NSL1: variants seen among roughly 807,000 people sequenced by gnomAD.
NSL1 encodes kinetochore-associated protein NSL1 homolog.
NSL1 carries 11 observed loss-of-function variants against 25.4 expected under a neutral mutation model. That is an observed-to-expected ratio of 0.43 (90% CI 0.27 to 0.72). The LOEUF (loss-of-function observed/expected upper bound fraction) is 0.72. Ranked by LOEUF, NSL1 falls within the 30% of genes least tolerant of loss-of-function variation. NSL1 has a pLI of 0.19. For missense variants in NSL1, 330 were observed against 342.7 expected, an observed-to-expected ratio of 0.96 and a Z score of 0.29; for synonymous variants, 118 against 120.6, an observed-to-expected ratio of 0.98 and a Z score of 0.14.
chr1:212,757,512 C>T (rs1659371814), intron 4 of NSL1, among the ~76,000 whole-genome samples: 1 of 152,166 alleles, frequency 6.6e-6, no homozygotes, highest in African/African-American at 2.4e-5. Context: ...ACAAGCATAG[C>T]ACCAACATTT....
At chr1:212,780,374 C>T (rs1465451938) in intron 4 of NSL1, among the ~76,000 whole-genome samples, 1 of 150,162 alleles carries the variant, frequency 6.7e-6, no homozygotes, top group African/African-American at 2.5e-5. Flanking sequence ...TGCGGAAGGC[C>T]GCAGGGTCCT....
In NSL1 at chr1:212,782,418, G is replaced by A. The variant is rs1352324803; in HGVS notation, c.453C>T (p.Tyr151=). 1.2e-6 allele frequency: 2 copies of A among 1,606,970 alleles called. No individual in the cohort carries two copies. The highest frequency in any genetic ancestry group is 1.7e-5 in the Admixed American group (1 of 60,008). ...IKAKQEILKQ[Y]HPVVHPLDLK... ...GGTCCAGTGGATGTACAACAGGGTG[G>A]TACTGCTTCTAAACATAACATAAAT... Residue 151 remains tyrosine (Y), a synonymous_variant, in exon 4 of 6, where the codon TAC becomes TAT. Coordinates refer to ENST00000366977, the MANE Select transcript of NSL1 (RefSeq NM_015471.4).
chr1:212,763,185 C>G (rs1023436063), intron 4 of NSL1, among the ~76,000 whole-genome samples: 2 of 152,180 alleles, frequency 1.3e-5, no homozygotes, highest in Non-Finnish European at 2.9e-5. Flanking sequence ...CCACTACTCT[C>G]CACTCCCTTT....
Position 212,736,556 on chromosome 1 carries a change from T to TA in NSL1, c.*1851dup, listed in dbSNP as rs1658238978. 1.0e-6 allele frequency: 1 copy of TA among 984,680 alleles called. No homozygotes were observed. Among genetic ancestry groups the TA allele is most frequent in the South Asian group, 4.7e-5 (1 of 21,274 alleles). The allele number at this position is 984,680 out of a possible 1,614,324, so 61.0% of individuals were successfully genotyped here. ...TTACTGCTATTGGTCATGCTTTTCT[T>TA]AGTTAATAATGCTAATACGTACTGT... On this transcript the variant is annotated 3_prime_UTR_variant, in exon 6 of 6. Transcript: ENST00000366977.
chr1:212,736,310 C>G lies in NSL1; in HGVS notation c.*2098G>C. On this transcript the variant is annotated 3_prime_UTR_variant, in exon 6 of 6. Transcript: ENST00000366977. Reference sequence around the variant, plus strand: ...AAGTGCTGGGATTACAGGCATGAGCCCACCGCGCCTGGCTATTTCTTTTCT... The same window carrying G: ...AAGTGCTGGGATTACAGGCATGAGCGCACCGCGCCTGGCTATTTCTTTTCT... 5.1e-6 allele frequency: 5 copies of G among 981,344 alleles called. No homozygotes were observed. Among genetic ancestry groups the G allele is most frequent in the Non-Finnish European group, 6.1e-6 (5 of 826,248 alleles). 60.8% of individuals were successfully genotyped at this position (981,344 alleles called of 1,614,324 possible).
chr1:212,738,721 T>C (rs975015881), intron 5 of NSL1, 35 bp from the exon 6 acceptor site: 9 of 1,549,534 alleles, frequency 5.8e-6, no homozygotes, highest in Non-Finnish European at 7.9e-6. Context: ...TCAACATTAA[T>C]CTCAGGTTGA....
intron 5 of NSL1, 135 bp from the exon 6 acceptor site, chr1:212,738,821 G>A: frequency 4.4e-6 from 3 of 682,306 alleles, no homozygotes; most frequent in Non-Finnish European, 7.2e-6. Flanking sequence ...GGAGGGCAGT[G>A]GTGTGATCTC....
intron 4 of NSL1, among the ~76,000 whole-genome samples, chr1:212,762,329 AAAG>A (rs1659615850): frequency 1.3e-5 from 2 of 151,482 alleles, no homozygotes; most frequent in South Asian, 4.2e-4. Flanking sequence ...AAAAAAAAGA[AAAG>A]AAGTTTACGA....
At chr1:212,766,720 T>A (rs149344428) in intron 4 of NSL1, among the ~76,000 whole-genome samples, 24 of 151,666 alleles carry the variant, frequency 1.6e-4, no homozygotes, top group African/African-American at 5.1e-4. Flanking sequence ...TAAATAAATT[T>A]GGTAAAGTAT....
chr1:212,739,275 G>A (rs535633041), intron 5 of NSL1, among the ~76,000 whole-genome samples: 4 of 152,154 alleles, frequency 2.6e-5, no homozygotes, highest in South Asian at 2.1e-4. Context: ...AAAACTGTTC[G>A]GTGAACTGCT....
In NSL1 at chr1:212,736,639, G is replaced by A. The variant is rs1202868805; in HGVS notation, c.*1769C>T. 2.0e-6 allele frequency: 2 copies of A among 985,064 alleles called. No individual in the cohort carries two copies. The highest frequency in any genetic ancestry group is 1.7e-5 in the African/African-American group (1 of 57,204). 61.0% of individuals were successfully genotyped at this position (985,064 alleles called of 1,614,324 possible). On this transcript the variant is annotated 3_prime_UTR_variant, in exon 6 of 6. Coordinates refer to ENST00000366977, the MANE Select transcript of NSL1 (RefSeq NM_015471.4). ...CTATAACTATGGAGTAAAACTTTGGGCTCTCAAGAGGATTTCAAATCTCAG... is the reference window on the plus strand; with the variant it reads ...CTATAACTATGGAGTAAAACTTTGGACTCTCAAGAGGATTTCAAATCTCAG...
Position 212,736,572 on chromosome 1 carries a change from T to C in NSL1, c.*1836A>G. ...TGCTTTTCTTAGTTAATAATGCTAATACGTACTGTCTTTCCCAGTGGTATT... is the reference window on the plus strand; with the variant it reads ...TGCTTTTCTTAGTTAATAATGCTAACACGTACTGTCTTTCCCAGTGGTATT... On this transcript the variant is annotated 3_prime_UTR_variant, in exon 6 of 6. Coordinates refer to ENST00000366977, the MANE Select transcript of NSL1 (RefSeq NM_015471.4). 1.0e-6 allele frequency: 1 copy of C among 985,208 alleles called. No homozygotes were observed. The highest frequency in any genetic ancestry group is 1.2e-6 in the Non-Finnish European group (1 of 829,692). The allele number at this position is 985,208 out of a possible 1,614,324, so 61.0% of individuals were successfully genotyped here. A position where few individuals can be genotyped will look rare whatever the true frequency, so the allele number is the denominator to read the frequency against.
At chr1:212,772,255 T>G (rs1660155159) in intron 4 of NSL1, among the ~76,000 whole-genome samples, 1 of 152,152 alleles carries the variant, frequency 6.6e-6, no homozygotes, top group Admixed American at 6.5e-5. Context: ...ACATCCCTTG[T>G]GCACAAATCA....
chr1:212,781,307 CTG>C (rs1660723680), intron 4 of NSL1, among the ~76,000 whole-genome samples: 1 of 152,120 alleles, frequency 6.6e-6, no homozygotes, highest in Non-Finnish European at 1.5e-5. Context: ...GGGAAATTAA[CTG>C]TATCTAAAAA....
chr1:212,765,855 G>A (rs1659781871), intron 4 of NSL1, among the ~76,000 whole-genome samples: 2 of 151,176 alleles, frequency 1.3e-5, no homozygotes, highest in Middle Eastern at 3.5e-3. Flanking sequence ...AAAACCCTCG[G>A]GCTGGGCGCA....
chr1:212,729,656 T>TA lies in NSL1; in HGVS notation c.*8751dup, dbSNP rs1657929296. On this transcript the variant is annotated 3_prime_UTR_variant, in exon 6 of 6. Transcript: ENST00000366977. ...ACAAGTCAGAGAGAATTCGAACACTTATTTTAACCTTTTCACCAAATTTTT... is the reference window on the plus strand; with the variant it reads ...ACAAGTCAGAGAGAATTCGAACACTTAATTTTAACCTTTTCACCAAATTTTT... 1 of 985,304 alleles carries TA rather than the reference T, an allele frequency of 1.0e-6. No homozygotes were observed. Among genetic ancestry groups the TA allele is most frequent in the South Asian group, 4.7e-5 (1 of 21,294 alleles). 61.0% of individuals were successfully genotyped at this position (985,304 alleles called of 1,614,324 possible).
chr1:212,761,299 T>C (rs981525659), intron 4 of NSL1, among the ~76,000 whole-genome samples: 3 of 152,134 alleles, frequency 2.0e-5, no homozygotes, highest in Admixed American at 6.5e-5. Flanking sequence ...CCTGTAATCC[T>C]AGCATTTTGG....
intron 4 of NSL1, among the ~76,000 whole-genome samples, chr1:212,781,254 G>A (rs1660720857): frequency 6.6e-6 from 1 of 152,180 alleles, no homozygotes. Flanking sequence ...CATTAACTAA[G>A]TGTGTTTTCC....
chr1:212,726,929 T>G lies in NSL1; in HGVS notation c.*11479A>C. On this transcript the variant is annotated 3_prime_UTR_variant, in exon 6 of 6. Transcript: ENST00000366977. ...ATGGACACCAGCACAGCACGGACTT[T>G]CCCGTCCTGTCTCTTCATGGTGGGT... 2.1e-6 allele frequency: 1 copy of G among 477,340 alleles called. No individual in the cohort carries two copies. Among genetic ancestry groups the G allele is most frequent in the Non-Finnish European group, 3.6e-6 (1 of 275,488 alleles). 29.6% of individuals were successfully genotyped at this position (477,340 alleles called of 1,614,324 possible).
Sources: gnomAD v4.1 joint callset for allele counts (sites outside exome capture counted in the v4.1 genomes callset) on GRCh38, gnomAD v4.1.1 for gene constraint, MANE v1.5 for transcripts, NCBI Gene and HGNC (gene_info 2026-07-23, HGNC 2026-07-21) for gene names.